The following NSF variants were observed in gnomAD, a reference collection of about 807,000 sequenced individuals.
NSF encodes vesicle-fusing ATPase.
NSF carries 14 observed loss-of-function variants against 50.3 expected under a neutral mutation model. That is an observed-to-expected ratio of 0.28 (90% CI 0.18 to 0.44). The LOEUF is 0.44. Ranked by LOEUF, NSF falls within the 20% of genes least tolerant of loss-of-function variation. The pLI is 1.00. For synonymous variants in NSF, 109 were observed against 175.7 expected, an observed-to-expected ratio of 0.62 and a Z score of 3.00; for missense variants, 218 against 504.3, an observed-to-expected ratio of 0.43 and a Z score of 5.44.
Position 46,751,623 on chromosome 17 carries a change from T to G in NSF, c.2157+7T>G. 1 of 1,571,396 alleles carries G rather than the reference T, an allele frequency of 6.4e-7. No individual in the cohort carries two copies. The highest frequency in any genetic ancestry group is 8.8e-7 in the Non-Finnish European group (1 of 1,141,556). ...GATCGAGATGTCCCTACAGGTAAGG[T>G]ACTTCGTTCTCCGTATGACTCAGAC... On this transcript the variant is annotated splice_region_variant and intron_variant, in intron 19 of 20. Transcript: ENST00000398238.
chr17:46,635,812 T>TGTGTGTGTGC (rs1320426978), intron 4 of NSF, among the ~76,000 whole-genome samples: 7 of 142,646 alleles, frequency 4.9e-5, no homozygotes, highest in Admixed American at 1.4e-4. Flanking sequence ...TGTGTGTGTG[T>TGTGTGTGTGC]GTGTGTGCTC....
intron 17 of NSF, among the ~76,000 whole-genome samples, chr17:46,729,966 C>G (rs2058932818): frequency 6.6e-6 from 1 of 151,958 alleles, no homozygotes. Flanking sequence ...TTTTCATAAA[C>G]CATCATTCCT....
At chr17:46,709,283 G>A (rs1371971449) in intron 13 of NSF, among the ~76,000 whole-genome samples, 1 of 151,852 alleles carries the variant, frequency 6.6e-6, no homozygotes. Flanking sequence ...AAGTAATTTG[G>A]CCATGAGGAA....
intron 9 of NSF, among the ~76,000 whole-genome samples, chr17:46,685,285 A>T (rs1326574814): frequency 1.3e-5 from 2 of 148,492 alleles, no homozygotes; most frequent in African/African-American, 5.0e-5. Flanking sequence ...ACTACTGATG[A>T]TAAAATTGAG....
intron 1 of NSF, among the ~76,000 whole-genome samples, chr17:46,605,995 C>CAAAAAAAAAAAA (rs59118188): frequency 5.9e-5 from 3 of 51,052 alleles, no homozygotes; most frequent in African/African-American, 2.1e-4. Flanking sequence ...ACTAAAAATA[C>CAAAAAAAAAAAA]AAAAAAAAAA....
Position 46,752,983 on chromosome 17 carries a change from G to A in NSF, c.2157+1367G>A, listed in dbSNP as rs147240281. The stretch of plus-strand genomic sequence containing the variant: ...GGGGTTTCACCATGTTGGCCAAGCC[G>A]GTCTCGATCTACTGACCTCAGGTGA... On this transcript the variant is annotated intron_variant, in intron 19 of 20. Transcript: ENST00000398238. Among the ~76,000 whole-genome samples the A allele has an allele frequency of 4.0e-3, 610 of 152,240 alleles. 2 individuals are homozygous for A. Among genetic ancestry groups the A allele is most frequent in the African/African-American group, 0.014 (563 of 41,530 alleles).
chr17:46,732,091 A>T (rs1382252581), intron 17 of NSF, among the ~76,000 whole-genome samples: 1 of 152,246 alleles, frequency 6.6e-6, no homozygotes, highest in Non-Finnish European at 1.5e-5. Context: ...TATTGTAGAA[A>T]TGCATAGAGT....
chr17:46,745,502 A>G (rs1255843605), intron 17 of NSF, among the ~76,000 whole-genome samples: 3 of 152,222 alleles, frequency 2.0e-5, no homozygotes, highest in African/African-American at 7.2e-5. Flanking sequence ...TTTGAAGAGC[A>G]TAGTCACTGT....
intron 17 of NSF, among the ~76,000 whole-genome samples, chr17:46,735,009 C>T (rs1046711994): frequency 6.6e-6 from 1 of 152,140 alleles, no homozygotes; most frequent in Non-Finnish European, 1.5e-5. Flanking sequence ...TGATTCTTAC[C>T]ACCGCACTCT....
chr17:46,691,562 T>C (rs1185048453), intron 9 of NSF, among the ~76,000 whole-genome samples: 1 of 150,292 alleles, frequency 6.7e-6, no homozygotes, highest in Non-Finnish European at 1.5e-5. Context: ...GTCATTGCAC[T>C]CCAGCCTGGG....
At chr17:46,740,241 A>G (rs920180121) in intron 17 of NSF, among the ~76,000 whole-genome samples, 2 of 152,168 alleles carry the variant, frequency 1.3e-5, no homozygotes, top group African/African-American at 4.8e-5. Flanking sequence ...TAGTAAATTC[A>G]TGTTCTGGAA....
chr17:46,697,163 C>G (rs1195836753), intron 12 of NSF, among the ~76,000 whole-genome samples: 1 of 147,688 alleles, frequency 6.8e-6, no homozygotes, highest in Non-Finnish European at 1.5e-5. Context: ...CCATAGTACC[C>G]CAGATAGATC....
At chr17:46,622,346 T>C (rs2058074495) in intron 1 of NSF, among the ~76,000 whole-genome samples, 1 of 149,668 alleles carries the variant, frequency 6.7e-6, no homozygotes, top group Non-Finnish European at 1.5e-5. Flanking sequence ...TAGTCCCAGC[T>C]ACTTGGGAGG....
intron 17 of NSF, among the ~76,000 whole-genome samples, chr17:46,735,182 A>T (rs1478928943): frequency 6.6e-6 from 1 of 152,246 alleles, no homozygotes; most frequent in Non-Finnish European, 1.5e-5. Flanking sequence ...TATAGTAGAT[A>T]TTAATACCAG....
intron 12 of NSF, among the ~76,000 whole-genome samples, chr17:46,703,689 A>AC (rs2058629425): frequency 6.6e-6 from 1 of 150,998 alleles, no homozygotes; most frequent in Non-Finnish European, 1.5e-5. Context: ...TCAAAAAAAA[A>AC]AAAAAAAAAA....
Position 46,636,118 on chromosome 17 carries a change from CAT to C in NSF, c.239-1253_239-1252del, listed in dbSNP as rs1329973166. ...CTGTCACTAGCAAAATTTGTTTTAA[CAT>C]ATATTTTTCTAAAAATATGATATGT... On this transcript the variant is annotated intron_variant, in intron 4 of 20. Coordinates refer to ENST00000398238, the MANE Select transcript of NSF (RefSeq NM_006178.4). Among the ~76,000 whole-genome samples, 13 of 29,514 alleles carry C rather than the reference CAT, an allele frequency of 4.4e-4. No homozygotes were observed. The East Asian group carries it at 4.5e-3, about 10-fold the overall frequency. The allele number at this position is 29,514 out of a possible 152,430, so 19.4% of individuals were successfully genotyped here. A position where few individuals can be genotyped will look rare whatever the true frequency, so the allele number is the denominator to read the frequency against.
rs139766600 is a variant in NSF, at chr17:46,742,152, A to G, written c.1909-7621A>G. Among the ~76,000 whole-genome samples, 4 of 152,338 alleles carry G rather than the reference A, an allele frequency of 2.6e-5. No individual in the cohort carries two copies. The East Asian group carries it at 7.7e-4, about 29-fold the overall frequency. On this transcript the variant is annotated intron_variant, in intron 17 of 20. Coordinates refer to ENST00000398238, the MANE Select transcript of NSF (RefSeq NM_006178.4). Reference sequence around the variant, plus strand: ...TGTGTTATCCAGTCAATAGCTAATCAATTGATTAAAAGAGATAAGCCAGAC... The same window carrying G: ...TGTGTTATCCAGTCAATAGCTAATCGATTGATTAAAAGAGATAAGCCAGAC...
chr17:46,705,105 ATTTTGAGAC>A (rs913906839), intron 13 of NSF, among the ~76,000 whole-genome samples: 2 of 147,328 alleles, frequency 1.4e-5, no homozygotes, highest in African/African-American at 5.1e-5. Flanking sequence ...AGGCCATTCA[ATTTTGAGAC>A]TTTCCAGTTA....
rs1379735650 is a variant in NSF at position 46,735,201 on chromosome 17, A to G, written c.1908+6267A>G. On this transcript the variant is annotated intron_variant, in intron 17 of 20. Coordinates refer to ENST00000398238, the MANE Select transcript of NSF (RefSeq NM_006178.4). ...GTAGATATTAATACCAGAATAAATT[A>G]TAAGATATATATGCCATTTTCTGAT... is the stretch of plus-strand genomic sequence containing the variant. 3.3e-5 allele frequency among the ~76,000 whole-genome samples: 5 copies of G among 152,356 alleles called. No individual in the cohort carries two copies. The East Asian group carries it at 7.7e-4, about 23-fold the overall frequency.
Sources: gnomAD v4.1 joint callset for allele counts (sites outside exome capture counted in the v4.1 genomes callset) on GRCh38, gnomAD v4.1.1 for gene constraint, MANE v1.5 for transcripts, NCBI Gene and HGNC (gene_info 2026-07-23, HGNC 2026-07-21) for gene names.